WDR37: variants seen among roughly 807,000 people sequenced by gnomAD.
WDR37 encodes WD repeat-containing protein 37.
WDR37 carries 19 observed loss-of-function variants against 62.9 expected under a neutral mutation model. The observed-to-expected ratio is 0.30, with a 90% confidence interval of 0.21 to 0.44. The LOEUF (loss-of-function observed/expected upper bound fraction) is 0.44, where lower values mean the gene tolerates loss of function less well. WDR37 is among the 20% of genes least tolerant of loss of function. WDR37 has a pLI of 1.00. For missense variants in WDR37, 474 were observed against 657.6 expected (o/e 0.72, Z 3.05); for synonymous variants, 250 against 260.9 (o/e 0.96, Z 0.40).
rs776748117 is a variant in WDR37 at position 1,077,935 on chromosome 10, G to C, written c.167G>C (p.Ser56Thr). Residue 56 changes from serine to threonine, a missense_variant, in exon 3 of 14, where the codon AGT becomes ACT. Ser to Thr is a moderately conservative substitution (Grantham distance 58, BLOSUM62 1). Coordinates refer to ENST00000263150, the MANE Select transcript of WDR37 (RefSeq NM_014023.4). ...TCTAAACTGCCTTCCTCGGTTCGCA[G>C]TACACTTCTGGAACTGTTTGGTCAA... ...QDSKLPSSVR[S>T]TLLELFGQIE... The C allele has an allele frequency of 6.2e-7, 1 of 1,611,868 alleles. No individual in the cohort carries two copies. Among genetic ancestry groups the C allele is most frequent in the Non-Finnish European group, 8.5e-7 (1 of 1,179,074 alleles).
chr10:1,128,907 T>TCCTGCTCAGTGGTCCATGCTTGGC lies in WDR37; in HGVS notation c.1354-306_1354-305insCCTGCTCAGTGGTCCATGCTTGGC, dbSNP rs1564198383. 1.3e-4 allele frequency among the ~76,000 whole-genome samples: 19 copies of TCCTGCTCAGTGGTCCATGCTTGGC among 150,010 alleles called. 7 individuals carry two copies. Among genetic ancestry groups the TCCTGCTCAGTGGTCCATGCTTGGC allele is most frequent in the East Asian group, 4.0e-4 (2 of 5,036 alleles). On this transcript the variant is annotated intron_variant, in intron 13 of 13. Transcript: ENST00000263150. ...GTCCTGCTCAGTGGTCCATGCTTGG[T>TCCTGCTCAGTGGTCCATGCTTGGC]GGTCCATGCTCTATGGTCCATGGGG...
intron 7 of WDR37, among the ~76,000 whole-genome samples, chr10:1,091,976 T>C (rs10903363): frequency 0.99 from 150,007 of 151,326 alleles, 74,357 homozygotes; most frequent in East Asian, 1. Context: ...GTCAGGAGAT[T>C]GAGACCATCT....
At chr10:1,119,200 C>T (rs908133820) in intron 11 of WDR37, among the ~76,000 whole-genome samples, 2 of 152,172 alleles carry the variant, frequency 1.3e-5, no homozygotes, top group Non-Finnish European at 1.5e-5. Flanking sequence ...GTAGCCTTGA[C>T]GTTCTAGGAT....
intron 11 of WDR37, among the ~76,000 whole-genome samples, chr10:1,113,296 GA>G (rs35063639): frequency 1.3e-5 from 2 of 152,234 alleles, no homozygotes; most frequent in South Asian, 4.2e-4. Context: ...TACTGCTCAG[GA>G]AAAAACTTTT....
intron 2 of WDR37, among the ~76,000 whole-genome samples, chr10:1,075,078 T>A (rs76068439): frequency 0.049 from 7,433 of 152,286 alleles, 231 homozygotes; most frequent in Non-Finnish European, 0.069. Context: ...AACAACTCGT[T>A]TGAGAGTCTG....
intron 11 of WDR37, among the ~76,000 whole-genome samples, chr10:1,119,676 A>G (rs533899819): frequency 2.6e-5 from 4 of 152,316 alleles, no homozygotes; most frequent in Admixed American, 2.6e-4. Context: ...TAATATTATA[A>G]GTGGCCAGTC....
chr10:1,127,190 G>C (rs1835816767), intron 13 of WDR37, among the ~76,000 whole-genome samples: 1 of 152,196 alleles, frequency 6.6e-6, no homozygotes, highest in South Asian at 2.1e-4. Flanking sequence ...ATTACTTTGA[G>C]AGTATTTTCC....
At chr10:1,089,411 T>A (rs1019477174) in intron 7 of WDR37, among the ~76,000 whole-genome samples, 6 of 152,152 alleles carry the variant, frequency 3.9e-5, no homozygotes, top group African/African-American at 1.4e-4. Flanking sequence ...GCTTCCATGA[T>A]GACTTCAAGC....
intron 7 of WDR37, among the ~76,000 whole-genome samples, chr10:1,090,373 G>C (rs1457717256): frequency 6.6e-6 from 1 of 152,150 alleles, no homozygotes; most frequent in Non-Finnish European, 1.5e-5. Context: ...TGGTCAAGCT[G>C]GTCTTGAACT....
rs117165976 is a variant in WDR37, at chr10:1,092,345, C to T, written c.605-1107C>T. ...GGTCTCTACTAAAAATACAAAAGAC[C>T]GTGTCTCTACTAAAAATACAAAAGA... On this transcript the variant is annotated intron_variant, in intron 7 of 13. Coordinates refer to ENST00000263150, the MANE Select transcript of WDR37 (RefSeq NM_014023.4). Among the ~76,000 whole-genome samples, 732 of 151,804 alleles carry T rather than the reference C, an allele frequency of 4.8e-3. 1 individual carries two copies. Among genetic ancestry groups the T allele is most frequent in the Non-Finnish European group, 7.8e-3 (531 of 67,922 alleles).
chr10:1,090,590 C>T (rs1002135409), intron 7 of WDR37, among the ~76,000 whole-genome samples: 1 of 151,994 alleles, frequency 6.6e-6, no homozygotes, highest in Admixed American at 6.6e-5. Context: ...CTCTTGGGTC[C>T]TCTGAGCACA....
At chr10:1,086,072 G>A (rs566074506) in intron 6 of WDR37, among the ~76,000 whole-genome samples, 65 of 152,346 alleles carry the variant, frequency 4.3e-4, no homozygotes, top group African/African-American at 1.5e-3. Context: ...TTGTCCGTTA[G>A]CTGACTTCAT....
chr10:1,096,053 C>G, intron 8 of WDR37, 117 bp from the exon 9 acceptor site: 2 of 878,656 alleles, frequency 2.3e-6, no homozygotes, highest in Non-Finnish European at 3.7e-6. Context: ...ATTCCTCTCA[C>G]TAAGTGGTCA....
At chr10:1,088,423 G>A (rs1401843641) in intron 7 of WDR37, among the ~76,000 whole-genome samples, 2 of 152,142 alleles carry the variant, frequency 1.3e-5, no homozygotes, top group Non-Finnish European at 2.9e-5. Context: ...GGAATACTTA[G>A]AGGCCATTGT....
chr10:1,060,556 G>A (rs2131600796), intron 1 of WDR37, among the ~76,000 whole-genome samples: 1 of 152,308 alleles, frequency 6.6e-6, no homozygotes, highest in East Asian at 1.9e-4. Context: ...TATTTTGAAG[G>A]AAAATAATTA....
intron 11 of WDR37, among the ~76,000 whole-genome samples, chr10:1,110,245 G>T (rs1233839297): frequency 4.6e-5 from 7 of 152,222 alleles, no homozygotes; most frequent in Non-Finnish European, 8.8e-5. Context: ...GCGCATGCAG[G>T]ATGAGGGCTT....
intron 1 of WDR37, among the ~76,000 whole-genome samples, chr10:1,068,906 CGTT>C (rs760032204): frequency 2.0e-5 from 3 of 152,148 alleles, no homozygotes; most frequent in Admixed American, 6.6e-5. Flanking sequence ...ACTTTGAAAT[CGTT>C]GTGCTAAGTG....
At chr10:1,084,292 C>A in intron 5 of WDR37, 111 bp from the exon 6 acceptor site, 1 of 1,359,376 alleles carries the variant, frequency 7.4e-7, no homozygotes, top group Non-Finnish European at 1.0e-6. Flanking sequence ...TTTAACTGTC[C>A]TAGTCAGTGA....
At chr10:1,099,618 A>C (rs1429773714) in intron 9 of WDR37, among the ~76,000 whole-genome samples, 2 of 152,256 alleles carry the variant, frequency 1.3e-5, no homozygotes, top group African/African-American at 4.8e-5. Flanking sequence ...CAGACTATTC[A>C]TTATGTAGCG....
Sources: allele counts gnomAD v4.1 joint callset (sites outside exome capture counted in the v4.1 genomes callset), GRCh38; gene constraint gnomAD v4.1.1; transcripts MANE v1.5; gene names NCBI Gene and HGNC (gene_info 2026-07-23, HGNC 2026-07-21).